AKAP1: variants seen among roughly 807,000 people sequenced by gnomAD.
AKAP1 encodes the protein A-kinase anchoring protein 1, also known as A-kinase anchor protein 1, mitochondrial.
AKAP1 carries 32 observed loss-of-function variants against 79.8 expected under a neutral mutation model. That is an observed-to-expected ratio of 0.40 (90% CI 0.30 to 0.54). AKAP1 has a LOEUF of 0.54. Ranked by LOEUF, AKAP1 falls within the 20% of genes least tolerant of loss-of-function variation. The pLI is 0.47. For missense variants in AKAP1, 961 were observed against 1,138.9 expected (o/e 0.84, Z 2.25); for synonymous variants, 416 against 466.7 (o/e 0.89, Z 1.40).
At chr17:57,111,659 T>C (rs1915253679) in intron 3 of AKAP1, 139 bp from the exon 4 acceptor site, 1 of 1,076,820 alleles carries the variant, frequency 9.3e-7, no homozygotes. Context: ...GTGCTTAGAA[T>C]AGTCCTGGAA....
At chr17:57,104,312 A>G (rs962005129) in intron 1 of AKAP1, among the ~76,000 whole-genome samples, 3 of 152,098 alleles carry the variant, frequency 2.0e-5, no homozygotes, top group African/African-American at 2.4e-5. Flanking sequence ...TCTAGAAACA[A>G]TTTGATGTGT....
In AKAP1 at chr17:57,120,471, T is replaced by G; in HGVS notation, c.*147T>G. 4.6e-6 allele frequency: 3 copies of G among 650,968 alleles called. No homozygotes were observed. In the South Asian group the frequency reaches 7.2e-5, roughly 16 times the overall value. 40.3% of individuals were successfully genotyped at this position (650,968 alleles called of 1,614,324 possible). ...TACTGTAGTCCTATTGAGAAGACAT[T>G]TCGTCTCTGAGAAAAAAGGATGGAA... On this transcript the variant is annotated 3_prime_UTR_variant, in exon 11 of 11. Coordinates refer to ENST00000337714, the MANE Select transcript of AKAP1 (RefSeq NM_003488.4).
At chr17:57,091,821 C>T (rs908714508) in intron 1 of AKAP1, among the ~76,000 whole-genome samples, 6 of 151,872 alleles carry the variant, frequency 4.0e-5, no homozygotes, top group South Asian at 2.1e-4. Flanking sequence ...CCCAAGTACC[C>T]GGGACTATAG....
chr17:57,090,127 C>T (rs1413110967), intron 1 of AKAP1, among the ~76,000 whole-genome samples: 4 of 152,120 alleles, frequency 2.6e-5, no homozygotes, highest in Non-Finnish European at 1.5e-5. Context: ...AGCGTGGATG[C>T]TAACGTGTTC....
chr17:57,114,134 C>T (rs1173754796), intron 5 of AKAP1, among the ~76,000 whole-genome samples: 1 of 152,180 alleles, frequency 6.6e-6, no homozygotes, highest in Non-Finnish European at 1.5e-5. Context: ...TAGGTGGACC[C>T]TGCCCAGGCC....
At chr17:57,117,920 G>T (rs75676482) in intron 8 of AKAP1, among the ~76,000 whole-genome samples, 1 of 152,178 alleles carries the variant, frequency 6.6e-6, no homozygotes, top group African/African-American at 2.4e-5. Context: ...GTGGCCAACT[G>T]CCTGGGTTTG....
chr17:57,090,549 C>CA (rs1913726494), intron 1 of AKAP1, among the ~76,000 whole-genome samples: 1 of 151,138 alleles, frequency 6.6e-6, no homozygotes, highest in South Asian at 2.1e-4. Context: ...ACCACATCCT[C>CA]ATTCAGGAAA....
chr17:57,086,209 C>A lies in AKAP1; in HGVS notation c.-25+811C>A, dbSNP rs1243391353. ...GGGGCCCCGACGGTCACGTGTCCGG[C>A]CCCGCCTGCGGCCCAGGGCCCGGGG... On this transcript the variant is annotated intron_variant, in intron 1 of 10. Transcript: ENST00000337714. The surrounding 1 kb of genome is among the most constrained non-coding windows in gnomAD (Gnocchi z 5.1). 4 of 323,438 alleles carry A rather than the reference C, an allele frequency of 1.2e-5. No individual in the cohort carries two copies. The highest frequency in any genetic ancestry group is 4.5e-5 in the Admixed American group (1 of 22,040). 20.0% of individuals were successfully genotyped at this position (323,438 alleles called of 1,614,324 possible). A position where few individuals can be genotyped will look rare whatever the true frequency, so the allele number is the denominator to read the frequency against.
At chr17:57,116,706 G>T (rs960233197) in intron 7 of AKAP1, among the ~76,000 whole-genome samples, 154 bp from the exon 8 acceptor site, 5 of 152,204 alleles carry the variant, frequency 3.3e-5, no homozygotes, top group Non-Finnish European at 5.9e-5. Context: ...GGCTGTGTTT[G>T]GGTGTGCTGT....
rs1184158127 is a variant in AKAP1 at position 57,112,033 on chromosome 17, C to T, written c.1975+109C>T. ...TTTTGGAATAGGAAACCCTGCTTCT[C>T]ATCCCAGGGAAGGGAGCATTAGGTA... On this transcript the variant is annotated intron_variant, in intron 4 of 10. Coordinates refer to ENST00000337714, the MANE Select transcript of AKAP1 (RefSeq NM_003488.4). 2.1e-6 allele frequency: 3 copies of T among 1,421,880 alleles called. No individual in the cohort carries two copies. The African/African-American group carries it at 4.3e-5, about 20-fold the overall frequency. 88.1% of individuals were successfully genotyped at this position (1,421,880 alleles called of 1,614,324 possible).
In AKAP1 at chr17:57,120,482, G is replaced by A. The variant is rs1162011957; in HGVS notation, c.*158G>A. ...TATTGAGAAGACATTTCGTCTCTGAGAAAAAAGGATGGAACTATGGGTTCT... is the reference window on the plus strand; with the variant it reads ...TATTGAGAAGACATTTCGTCTCTGAAAAAAAAGGATGGAACTATGGGTTCT... On this transcript the variant is annotated 3_prime_UTR_variant, in exon 11 of 11. Coordinates refer to ENST00000337714, the MANE Select transcript of AKAP1 (RefSeq NM_003488.4). 3.5e-6 allele frequency: 2 copies of A among 576,552 alleles called. No individual in the cohort carries two copies. The highest frequency in any genetic ancestry group is 2.7e-5 in the South Asian group (1 of 37,420). 35.7% of individuals were successfully genotyped at this position (576,552 alleles called of 1,614,324 possible).
At chr17:57,103,438 A>G (rs1350330797) in intron 1 of AKAP1, among the ~76,000 whole-genome samples, 1 of 152,218 alleles carries the variant, frequency 6.6e-6, no homozygotes, top group African/African-American at 2.4e-5. Context: ...GGTCCTAGGC[A>G]ATATTCAGGA....
chr17:57,095,596 T>G (rs1199485020), intron 1 of AKAP1: 1 of 151,960 alleles, frequency 6.6e-6, no homozygotes, highest in Non-Finnish European at 1.5e-5. Context: ...AGTAATTATT[T>G]GTTGAATAGA....
chr17:57,109,953 G>C (rs1401200148), intron 2 of AKAP1, 72 bp from the exon 3 acceptor site: 7 of 1,571,018 alleles, frequency 4.5e-6, no homozygotes, highest in Non-Finnish European at 5.2e-6. Flanking sequence ...TGTGAGTTTG[G>C]GAAGTTCTTG....
chr17:57,111,176 G>A (rs1308800590), intron 3 of AKAP1, among the ~76,000 whole-genome samples: 1 of 152,214 alleles, frequency 6.6e-6, no homozygotes, highest in Non-Finnish European at 1.5e-5. Context: ...GCGGTTGTGT[G>A]GGAGCCCATC....
chr17:57,086,037 G>C lies in AKAP1; in HGVS notation c.-25+639G>C, dbSNP rs890364253. Reference sequence around the variant, plus strand: ...GCCGGTTGTGATCCAACCGTGTTTCGGGCTGAGGGACCGTTCGAACCGAAT... The same window carrying C: ...GCCGGTTGTGATCCAACCGTGTTTCCGGCTGAGGGACCGTTCGAACCGAAT... On this transcript the variant is annotated intron_variant, in intron 1 of 10. Transcript: ENST00000337714. This position sits in a 1 kb window ranked among gnomAD's most constrained non-coding sequence, Gnocchi z 5.1. 1 of 187,136 alleles carries C rather than the reference G, an allele frequency of 5.3e-6. No homozygotes were observed. The highest frequency in any genetic ancestry group is 2.4e-5 in the African/African-American group (1 of 41,572). The allele number at this position is 187,136 out of a possible 1,614,324, so 11.6% of individuals were successfully genotyped here.
At chr17:57,117,072 CT>C in intron 8 of AKAP1, 145 bp downstream of exon 8, 1 of 852,756 alleles carries the variant, frequency 1.2e-6, no homozygotes, top group Non-Finnish European at 1.9e-6. Flanking sequence ...TAGGTCTGGG[CT>C]TAGGCCCAGG....
Position 57,086,664 on chromosome 17 carries a change from T to C in AKAP1, c.-25+1266T>C. ...GTTTAGATTTGTCTCCAGTGAAATCTAGGCTGCTGGACCTGGTGCAACAGT... is the reference window on the plus strand; with the variant it reads ...GTTTAGATTTGTCTCCAGTGAAATCCAGGCTGCTGGACCTGGTGCAACAGT... On this transcript the variant is annotated intron_variant, in intron 1 of 10. Coordinates refer to ENST00000337714, the MANE Select transcript of AKAP1 (RefSeq NM_003488.4). This position sits in a 1 kb window ranked among gnomAD's most constrained non-coding sequence, Gnocchi z 5.1. 1 of 321,962 alleles carries C rather than the reference T, an allele frequency of 3.1e-6. No homozygotes were observed. 19.9% of individuals were successfully genotyped at this position (321,962 alleles called of 1,614,324 possible).
intron 1 of AKAP1, among the ~76,000 whole-genome samples, chr17:57,101,976 G>A (rs929495964): frequency 6.6e-6 from 1 of 152,036 alleles, no homozygotes; most frequent in Non-Finnish European, 1.5e-5. Context: ...AACTTCTTTC[G>A]GTAACATCGG....
Sources: gnomAD v4.1 joint callset for allele counts (sites outside exome capture counted in the v4.1 genomes callset) on GRCh38, gnomAD v4.1.1 for gene constraint, Gnocchi (gnomAD v3.1) non-coding constraint, MANE v1.5 for transcripts, NCBI Gene and HGNC (gene_info 2026-07-23, HGNC 2026-07-21) for gene names.